The following LRRIQ3 variants were observed in gnomAD, a reference collection of about 807,000 sequenced individuals.
LRRIQ3 encodes the protein leucine-rich repeat and IQ domain-containing protein 3.
A neutral mutation model predicts 59.3 loss-of-function variants in LRRIQ3; 75 were observed. That is an observed-to-expected ratio of 1.26 (90% CI 1.05 to 1.53). The LOEUF is 1.53. Ranked by LOEUF, LRRIQ3 falls within the 40% of genes most tolerant of loss-of-function variation. The probability of loss-of-function intolerance (pLI) is 0.00; values close to 1 mark genes in which losing one functional copy is unlikely to be tolerated. For synonymous variants in LRRIQ3, 250 were observed against 231.3 expected (o/e 1.08, Z -0.73); for missense variants, 831 against 710.0 (o/e 1.17, Z -1.94).
chr1:74,054,813 CACAT>C (rs1273565793), intron 6 of LRRIQ3, among the ~76,000 whole-genome samples: 2 of 147,380 alleles, frequency 1.4e-5, no homozygotes, highest in South Asian at 2.1e-4. Context: ...TACATATACA[CACAT>C]ACATCCACAT....
At chr1:74,182,498 A>C (rs1047127) in intron 3 of LRRIQ3, 40 bp downstream of exon 3, 125,115 of 1,325,470 alleles carry the variant, frequency 0.094, 6,211 homozygotes, top group Non-Finnish European at 0.099. Flanking sequence ...TTTCCCTTTT[A>C]TACATTTAAT....
intron 3 of LRRIQ3, among the ~76,000 whole-genome samples, chr1:74,159,556 T>G (rs1230879803): frequency 1.3e-5 from 2 of 152,180 alleles, no homozygotes; most frequent in African/African-American, 4.8e-5. Flanking sequence ...TTAGTCTGTT[T>G]TGCTGGTTCA....
intron 6 of LRRIQ3, among the ~76,000 whole-genome samples, chr1:74,042,291 A>G (rs962458526): frequency 6.6e-6 from 1 of 152,156 alleles, no homozygotes; most frequent in Admixed American, 6.6e-5. Flanking sequence ...TAATTAAGCA[A>G]AGAATAATTC....
chr1:74,068,258 T>G (rs1305940043), intron 6 of LRRIQ3, among the ~76,000 whole-genome samples: 1 of 152,086 alleles, frequency 6.6e-6, no homozygotes, highest in Non-Finnish European at 1.5e-5. Flanking sequence ...CCCTGTAATC[T>G]CAACAGTTTA....
chr1:74,035,495 A>G (rs777123387), intron 7 of LRRIQ3, among the ~76,000 whole-genome samples: 9 of 152,162 alleles, frequency 5.9e-5, no homozygotes, highest in Non-Finnish European at 1.2e-4. Context: ...TTGAGTCAAC[A>G]AAGCTCCTAC....
chr1:74,066,471 T>A (rs1331737952), intron 6 of LRRIQ3, among the ~76,000 whole-genome samples: 1 of 152,100 alleles, frequency 6.6e-6, no homozygotes, highest in Admixed American at 6.6e-5. Context: ...CCACAGCTAC[T>A]TTTCATAATA....
In LRRIQ3 at chr1:74,035,329, C is replaced by A. The variant is rs560166147; in HGVS notation, c.1718+5884G>T. On this transcript the variant is annotated intron_variant, in intron 7 of 7. Transcript: ENST00000354431. ...TATAATATATAGATAGATAAATGTT[C>A]TTTGAATTCTCATAACTGATTTATT... Among the ~76,000 whole-genome samples, 10 of 152,048 alleles carry A rather than the reference C, an allele frequency of 6.6e-5. No homozygotes were observed. In the South Asian group the frequency reaches 8.3e-4, roughly 13 times the overall value.
intron 4 of LRRIQ3, among the ~76,000 whole-genome samples, chr1:74,110,324 C>T (rs955747289): frequency 2.6e-5 from 4 of 151,652 alleles, no homozygotes; most frequent in Non-Finnish European, 4.4e-5. Context: ...GAAACAGGCA[C>T]AAAAATTCTA....
At chr1:74,049,064 ATAAG>A (rs1654286454) in intron 6 of LRRIQ3, among the ~76,000 whole-genome samples, 1 of 152,160 alleles carries the variant, frequency 6.6e-6, no homozygotes, top group South Asian at 2.1e-4. Context: ...ATGAGAAAAG[ATAAG>A]TAAGAACAAG....
At chr1:74,106,269 G>C (rs574614071) in intron 5 of LRRIQ3, among the ~76,000 whole-genome samples, 127 of 152,084 alleles carry the variant, frequency 8.4e-4, no homozygotes, top group African/African-American at 3.0e-3. Flanking sequence ...AAAAGTTTCT[G>C]GCCATCACTT....
intron 4 of LRRIQ3, among the ~76,000 whole-genome samples, chr1:74,130,641 G>A (rs960618444): frequency 6.6e-6 from 1 of 152,046 alleles, no homozygotes; most frequent in African/African-American, 2.4e-5. Context: ...TCAATTTGGT[G>A]CTTCTGCAAG....
intron 4 of LRRIQ3, chr1:74,144,568 A>T (rs990204370): frequency 3.6e-6 from 1 of 276,640 alleles, no homozygotes; most frequent in South Asian, 3.3e-5. Context: ...AAAAAAAAAA[A>T]GCAGCAAAAA....
intron 1 of LRRIQ3, among the ~76,000 whole-genome samples, chr1:74,185,714 C>G (rs370918924): frequency 6.6e-6 from 1 of 152,012 alleles, no homozygotes; most frequent in African/African-American, 2.4e-5. Flanking sequence ...GAGGCTGAGG[C>G]GGGCGGATTA....
At chr1:74,165,722 A>C (rs949357186) in intron 3 of LRRIQ3, among the ~76,000 whole-genome samples, 5 of 151,554 alleles carry the variant, frequency 3.3e-5, no homozygotes, top group African/African-American at 1.2e-4. Context: ...TATTTTCTTG[A>C]TGTTTTTCCT....
At chr1:74,187,047 G>A (rs779583351) in intron 1 of LRRIQ3, among the ~76,000 whole-genome samples, 2 of 152,028 alleles carry the variant, frequency 1.3e-5, no homozygotes, top group Non-Finnish European at 2.9e-5. Context: ...AGATGCTGTC[G>A]TGGATGTGGT....
intron 1 of LRRIQ3, among the ~76,000 whole-genome samples, chr1:74,197,047 G>A (rs929459536): frequency 7.2e-5 from 11 of 152,060 alleles, no homozygotes; most frequent in Admixed American, 7.2e-4. Flanking sequence ...TTTCACTCAA[G>A]TCTCTGTATT....
At chr1:74,150,416 TA>T (rs1647855935) in intron 4 of LRRIQ3, among the ~76,000 whole-genome samples, 1 of 152,194 alleles carries the variant, frequency 6.6e-6, no homozygotes, top group Non-Finnish European at 1.5e-5. Context: ...TTATCAAATT[TA>T]CTAAAGCTTC....
chr1:74,114,620 C>T (rs1400242294), intron 4 of LRRIQ3, among the ~76,000 whole-genome samples: 3 of 151,836 alleles, frequency 2.0e-5, no homozygotes, highest in East Asian at 3.9e-4. Context: ...CCTGTAGTCC[C>T]AGCTACTCAG....
rs1193706342 is a variant in LRRIQ3 at position 74,182,583 on chromosome 1, T to C, written c.528A>G (p.Ala176=). 1.9e-6 allele frequency: 3 copies of C among 1,600,302 alleles called. No homozygotes were observed. Among genetic ancestry groups the C allele is most frequent in the Non-Finnish European group, 2.6e-6 (3 of 1,173,480 alleles). The change falls in exon 3 of 8, where the codon GCA becomes GCG. Residue 176 remains alanine (A), a synonymous_variant. Coordinates refer to ENST00000354431, the MANE Select transcript of LRRIQ3 (RefSeq NM_001105659.2). Reference sequence around the variant, plus strand: ...AATTAAAGAAAAGTCGATGGTTACATGCTTTGAATCTTTCAGGAAGATGCC... The same window carrying C: ...AATTAAAGAAAAGTCGATGGTTACACGCTTTGAATCTTTCAGGAAGATGCC... The part of the protein sequence containing the change: ...QNWHLPERFK[A]CNHRLFFNFC...
Sources: gnomAD v4.1 joint callset for allele counts (sites outside exome capture counted in the v4.1 genomes callset) on GRCh38, gnomAD v4.1.1 for gene constraint, MANE v1.5 for transcripts, NCBI Gene and HGNC (gene_info 2026-07-23, HGNC 2026-07-21) for gene names.